Variants in NEGR1 observed in about 807,000 individuals in gnomAD.
The protein encoded by NEGR1 is neuronal growth regulator 1.
A neutral mutation model predicts 40.9 loss-of-function variants in NEGR1; 10 were observed. The ratio of observed to expected loss-of-function variants is 0.24; its 90% CI spans 0.15 to 0.42. NEGR1 has a LOEUF of 0.42. Ranked by LOEUF, NEGR1 falls within the 10% of genes least tolerant of loss-of-function variation. The pLI is 1.00. For missense variants in NEGR1, 352 were observed against 438.9 expected (o/e 0.80, Z 1.77); for synonymous variants, 185 against 166.8 (o/e 1.11, Z -0.84).
intron 4 of NEGR1, among the ~76,000 whole-genome samples, chr1:71,648,157 A>G (rs1365785021): frequency 6.6e-6 from 1 of 152,028 alleles, no homozygotes; most frequent in Non-Finnish European, 1.5e-5. Flanking sequence ...AAAATATCTT[A>G]TAAATCATCT....
chr1:72,255,547 CTT>C lies in NEGR1; in HGVS notation c.176+26770_176+26771del, dbSNP rs35452808. The stretch of plus-strand genomic sequence containing the variant: ...CTACTATGGTTTATCAAAAATACTT[CTT>C]TTTTTTTTTTTTTTTTTGAGATGGA... On this transcript the variant is annotated intron_variant, in intron 1 of 6. Coordinates refer to ENST00000357731, the MANE Select transcript of NEGR1 (RefSeq NM_173808.3). Among the ~76,000 whole-genome samples, 1,098 of 125,328 alleles carry C rather than the reference CTT, an allele frequency of 8.8e-3. 17 individuals carry two copies. Among genetic ancestry groups the C allele is most frequent in the African/African-American group, 0.029 (1,021 of 35,580 alleles). The allele number at this position is 125,328 out of a possible 152,430, so 82.2% of individuals were successfully genotyped here.
intron 6 of NEGR1, among the ~76,000 whole-genome samples, chr1:71,529,980 G>C (rs1010412210): frequency 6.6e-6 from 1 of 150,946 alleles, no homozygotes; most frequent in African/African-American, 2.4e-5. Context: ...ATGACTTCAG[G>C]ACCTTCATTT....
intron 1 of NEGR1, among the ~76,000 whole-genome samples, chr1:72,234,805 T>C (rs777695811): frequency 3.3e-5 from 5 of 150,532 alleles, no homozygotes; most frequent in Non-Finnish European, 5.9e-5. Flanking sequence ...TCAGGTTGTA[T>C]AGAAAAAGGA....
At chr1:71,482,844 T>A (rs1646862924) in intron 6 of NEGR1, among the ~76,000 whole-genome samples, 2 of 151,900 alleles carry the variant, frequency 1.3e-5, no homozygotes, top group African/African-American at 4.8e-5. Flanking sequence ...ATACTGCCTG[T>A]ATTAGGTGCT....
intron 1 of NEGR1, among the ~76,000 whole-genome samples, chr1:72,270,148 T>C (rs552383885): frequency 1.3e-5 from 2 of 151,836 alleles, no homozygotes; most frequent in Non-Finnish European, 2.9e-5. Flanking sequence ...TTACCTTCCC[T>C]TGCCAAACTA....
chr1:71,511,636 A>G (rs1346215611), intron 6 of NEGR1, among the ~76,000 whole-genome samples: 2 of 152,200 alleles, frequency 1.3e-5, no homozygotes, highest in East Asian at 1.9e-4. Context: ...CAATGTCAGG[A>G]TGTTGTGAAA....
intron 4 of NEGR1, among the ~76,000 whole-genome samples, chr1:71,621,623 A>C (rs562084240): frequency 4.6e-5 from 7 of 151,856 alleles, no homozygotes; most frequent in African/African-American, 1.7e-4. Flanking sequence ...TGGTAAAAAA[A>C]TTTTCGGAGC....
chr1:71,708,258 G>C (rs562062872), intron 3 of NEGR1, among the ~76,000 whole-genome samples: 8 of 151,862 alleles, frequency 5.3e-5, no homozygotes, highest in African/African-American at 1.7e-4. Flanking sequence ...ATAAATTCAA[G>C]ATAACACCAA....
chr1:71,864,233 T>TA (rs1015695027), intron 2 of NEGR1, among the ~76,000 whole-genome samples: 26 of 152,148 alleles, frequency 1.7e-4, no homozygotes, highest in Admixed American at 1.7e-3. Flanking sequence ...CTGCAGTTGT[T>TA]AAGACTGTAC....
chr1:71,941,271 G>A (rs1300656856), intron 1 of NEGR1, among the ~76,000 whole-genome samples: 1 of 152,016 alleles, frequency 6.6e-6, no homozygotes, highest in African/African-American at 2.4e-5. Flanking sequence ...ACCAAATGAG[G>A]TAAGGCAAGT....
At chr1:71,486,241 A>ATTTT (rs748972043) in intron 6 of NEGR1, among the ~76,000 whole-genome samples, 1 of 151,456 alleles carries the variant, frequency 6.6e-6, no homozygotes, top group South Asian at 2.1e-4. Flanking sequence ...GACATGGTAT[A>ATTTT]TTTTTTCTGG....
At chr1:72,179,413 G>A (rs1180651324) in intron 1 of NEGR1, among the ~76,000 whole-genome samples, 1 of 151,988 alleles carries the variant, frequency 6.6e-6, no homozygotes, top group Non-Finnish European at 1.5e-5. Context: ...TTGAGATTCT[G>A]CAGTTATTTG....
At chr1:71,885,728 A>G (rs1399090132) in intron 2 of NEGR1, among the ~76,000 whole-genome samples, 1 of 152,126 alleles carries the variant, frequency 6.6e-6, no homozygotes, top group Non-Finnish European at 1.5e-5. Context: ...TAGAGAATAA[A>G]TTTTCCTTGA....
intron 6 of NEGR1, among the ~76,000 whole-genome samples, chr1:71,578,878 T>A (rs928793569): frequency 6.6e-6 from 1 of 152,154 alleles, no homozygotes; most frequent in African/African-American, 2.4e-5. Flanking sequence ...CACAAGCATA[T>A]CTGATTTTCC....
In NEGR1 at chr1:72,150,076, A is replaced by G. The variant is rs1651065535; in HGVS notation, c.176+132243T>C. On this transcript the variant is annotated intron_variant, in intron 1 of 6. Coordinates refer to ENST00000357731, the MANE Select transcript of NEGR1 (RefSeq NM_173808.3). The stretch of plus-strand genomic sequence containing the variant: ...TATCACTATTCCGAATCCCTTCCTA[A>G]TTTGCCTAGTAGCAATTCATTTTAT... Among the ~76,000 whole-genome samples the G allele has an allele frequency of 2.0e-5, 3 of 152,016 alleles. No individual in the cohort carries two copies. In the South Asian group the frequency reaches 6.2e-4, roughly 32 times the overall value.
In NEGR1 at chr1:71,407,512, C is replaced by A. The variant is rs1557515843; in HGVS notation, c.999G>T (p.Trp333Cys). 6.2e-7 allele frequency: 1 copy of A among 1,611,994 alleles called. No homozygotes were observed. Among genetic ancestry groups the A allele is most frequent in the South Asian group, 1.1e-5 (1 of 91,014 alleles). ...AAGAGGACAGTGTCAACACAAGGTA[C>A]CAGCAGGAGAAAAGAACATCAGCGC... ...TGSADVLFSCWYLVLTLSSFT... is the reference protein window; with the variant it reads ...TGSADVLFSCCYLVLTLSSFT... The change falls in exon 7 of 7, where the codon TGG becomes TGT. Residue 333 changes from tryptophan (W) to cysteine (C), a missense_variant. Transcript: ENST00000357731.
chr1:71,857,781 A>C (rs910571763), intron 2 of NEGR1, among the ~76,000 whole-genome samples: 2 of 151,980 alleles, frequency 1.3e-5, no homozygotes, highest in Non-Finnish European at 2.9e-5. Flanking sequence ...AATTCTATTT[A>C]GCTTGGCTTC....
At chr1:71,682,855 T>C (rs538427029) in intron 4 of NEGR1, among the ~76,000 whole-genome samples, 2 of 152,260 alleles carry the variant, frequency 1.3e-5, no homozygotes, top group South Asian at 2.1e-4. Context: ...CAAAAGAGCC[T>C]GGCACCTCCT....
chr1:72,108,579 T>A (rs996974232), intron 1 of NEGR1, among the ~76,000 whole-genome samples: 2 of 151,670 alleles, frequency 1.3e-5, no homozygotes, highest in Non-Finnish European at 1.5e-5. Flanking sequence ...CAATGGCATA[T>A]GACTTGTTTA....
Sources: gnomAD v4.1 joint callset for allele counts (sites outside exome capture counted in the v4.1 genomes callset) on GRCh38, gnomAD v4.1.1 for gene constraint, MANE v1.5 for transcripts, NCBI Gene and HGNC (gene_info 2026-07-23, HGNC 2026-07-21) for gene names.